ADSL: variants seen among roughly 807,000 people sequenced by gnomAD.
ADSL encodes adenylosuccinate lyase, also known as adenylosuccinase.
In ADSL, 44 loss-of-function variants were observed where a neutral mutation model predicts 62.1. The observed-to-expected ratio is 0.71, with a 90% CI of 0.56 to 0.91. The LOEUF (loss-of-function observed/expected upper bound fraction) is 0.91. Ranked by LOEUF, ADSL falls within the 40% of genes least tolerant of loss-of-function variation. The pLI, the probability that ADSL is intolerant of heterozygous loss-of-function variation, is 0.00. For synonymous variants in ADSL, 198 were observed against 220.5 expected (o/e 0.90, Z 0.90); for missense variants, 531 against 627.4 (o/e 0.85, Z 1.64).
chr22:40,373,788 G>T (rs1368303206), downstream of ADSL, among the ~76,000 whole-genome samples: 1 of 151,506 alleles, frequency 6.6e-6, no homozygotes, highest in Non-Finnish European at 1.5e-5. Flanking sequence ...GCTAATTTTT[G>T]TATTTTTAGT....
chr22:40,364,379 C>T lies in ADSL; in HGVS notation c.1191+14C>T. 6.2e-7 allele frequency: 1 copy of T among 1,611,270 alleles called. No individual in the cohort carries two copies. Among genetic ancestry groups the T allele is most frequent in the South Asian group, 1.1e-5 (1 of 90,830 alleles). ...GGTAGCCGCCAGGTTTGTAACCCCT[C>T]ATGTTCCTGGATAAGTTGAGAGTGC... On this transcript the variant is annotated intron_variant, in intron 11 of 12. Coordinates refer to ENST00000623063, the MANE Select transcript of ADSL (RefSeq NM_000026.4).
downstream of ADSL, chr22:40,370,561 C>G (rs1179101353): frequency 4.6e-5 from 7 of 152,376 alleles, no homozygotes; most frequent in African/African-American, 1.4e-4. Context: ...CAGCCCCCAG[C>G]ATGACCCGCG....
intron 2 of ADSL, among the ~76,000 whole-genome samples, chr22:40,383,249 C>A (rs185596569): frequency 6.6e-6 from 1 of 152,058 alleles, no homozygotes; most frequent in East Asian, 1.9e-4. Flanking sequence ...GGGCAGATCA[C>A]GAGGTCAGGA....
intron 2 of ADSL, among the ~76,000 whole-genome samples, chr22:40,350,509 G>A (rs1335844835): frequency 6.6e-6 from 1 of 152,170 alleles, no homozygotes; most frequent in Non-Finnish European, 1.5e-5. Context: ...TAAACTGTAA[G>A]CACCAAATGA....
intron 3 of ADSL, 71 bp from the exon 4 acceptor site, chr22:40,354,177 G>GTT: frequency 7.7e-7 from 1 of 1,290,928 alleles, no homozygotes; most frequent in East Asian, 2.3e-5. Flanking sequence ...TTATCTGAAA[G>GTT]TTTTGTTCCT....
chr22:40,362,960 G>A (rs892189946), intron 9 of ADSL, 21 bp from the exon 10 acceptor site: 3 of 1,598,444 alleles, frequency 1.9e-6, no homozygotes, highest in Non-Finnish European at 2.6e-6. Context: ...AAGACATACT[G>A]AATGGCTATT....
intron 2 of ADSL, 97 bp downstream of exon 2, chr22:40,350,132 TC>T (rs1185612227): frequency 6.1e-6 from 7 of 1,153,436 alleles, no homozygotes; most frequent in East Asian, 2.4e-5. Flanking sequence ...ACACTATAGA[TC>T]TTTTTTTTTT....
At chr22:40,357,340 G>A (rs1000132878) in intron 4 of ADSL, among the ~76,000 whole-genome samples, 4 of 136,926 alleles carry the variant, frequency 2.9e-5, no homozygotes, top group African/African-American at 8.2e-5. Context: ...CGCAGCCTCC[G>A]CCTCCTGGGT....
chr22:40,370,354 CAA>C (rs11328048), downstream of ADSL, among the ~76,000 whole-genome samples: 81 of 86,368 alleles, frequency 9.4e-4, no homozygotes, highest in East Asian at 4.0e-3. Context: ...GACTCCATCT[CAA>C]AAAAAAAAAA....
At chr22:40,372,158 G>C (rs1426961430), downstream of ADSL, among the ~76,000 whole-genome samples, 2 of 103,934 alleles carry the variant, frequency 1.9e-5, no homozygotes, top group African/African-American at 3.9e-5. Flanking sequence ...ACGGAGTCTC[G>C]CTCTGTTGCC....
intron 2 of ADSL, among the ~76,000 whole-genome samples, chr22:40,375,253 C>T (rs1343761271): frequency 6.6e-6 from 1 of 152,154 alleles, no homozygotes; most frequent in Non-Finnish European, 1.5e-5. Context: ...AATAATTAAA[C>T]AGCTTTATCA....
chr22:40,360,182 A>G (rs1250707687), intron 6 of ADSL, among the ~76,000 whole-genome samples: 1 of 152,198 alleles, frequency 6.6e-6, no homozygotes, highest in African/African-American at 2.4e-5. Context: ...CAATAAGACC[A>G]AGCTTTTCTT....
chr22:40,364,189 C>CTG, intron 10 of ADSL, 87 bp from the exon 11 acceptor site: 1 of 972,402 alleles, frequency 1.0e-6, no homozygotes, highest in Non-Finnish European at 1.6e-6. Context: ...AGTGTCTGTG[C>CTG]TGTGCATTTT....
chr22:40,355,262 C>T (rs1403830888), intron 4 of ADSL, among the ~76,000 whole-genome samples: 1 of 152,176 alleles, frequency 6.6e-6, no homozygotes. Context: ...CCCGCCTCAG[C>T]CTTCCTAGTA....
In ADSL at chr22:40,353,311, TTTC is replaced by T. The variant is rs780798042; in HGVS notation, c.402+206_402+208del. 87 of 699,644 alleles carry T rather than the reference TTTC, an allele frequency of 1.2e-4. 1 individual carries two copies. The highest frequency in any genetic ancestry group is 1.5e-4 in the Non-Finnish European group (58 of 383,126). 43.3% of individuals were successfully genotyped at this position (699,644 alleles called of 1,614,324 possible). A position where few individuals can be genotyped will look rare whatever the true frequency, so the allele number is the denominator to read the frequency against. Reference sequence around the variant, plus strand: ...TTTCTTCTTCTCTTCCTCCTTCTCCTTTCTTCTTCTTCTTGAGCCAGAGTCTCA... The same window carrying T: ...TTTCTTCTTCTCTTCCTCCTTCTCCTTTCTTCTTCTTGAGCCAGAGTCTCA... On this transcript the variant is annotated intron_variant, in intron 3 of 12. Coordinates refer to ENST00000623063, the MANE Select transcript of ADSL (RefSeq NM_000026.4).
At chr22:40,355,813 G>A (rs1025142467) in intron 4 of ADSL, among the ~76,000 whole-genome samples, 2 of 152,076 alleles carry the variant, frequency 1.3e-5, no homozygotes, top group Non-Finnish European at 2.9e-5. Context: ...CTAGTGTTAC[G>A]CCTTGATGTT....
rs749199342 is a variant in ADSL, at chr22:40,346,734, G to T, written c.153+23G>T. On this transcript the variant is annotated intron_variant, in intron 1 of 12. Coordinates refer to ENST00000623063, the MANE Select transcript of ADSL (RefSeq NM_000026.4). ...CAGGTAACGGATCCCGGGCTGAGGG[G>T]CTGGGCCGGGAGGGACGGGCCCGCC... 6.3e-6 allele frequency: 10 copies of T among 1,586,368 alleles called. No individual in the cohort carries two copies. The Admixed American group carries it at 8.7e-5, about 14-fold the overall frequency.
At chr22:40,355,230 C>T (rs1206178740) in intron 4 of ADSL, among the ~76,000 whole-genome samples, 1 of 152,158 alleles carries the variant, frequency 6.6e-6, no homozygotes, top group Non-Finnish European at 1.5e-5. Flanking sequence ...ACAACCTCTA[C>T]GTCCTGGGTT....
At chr22:40,353,382 T>C in intron 3 of ADSL, 1 of 702,520 alleles carries the variant, frequency 1.4e-6, no homozygotes, top group Non-Finnish European at 2.6e-6. Flanking sequence ...AACCTCCGCC[T>C]CCCAGGCTCA....
Sources: gnomAD v4.1 joint callset for allele counts (sites outside exome capture counted in the v4.1 genomes callset) on GRCh38, gnomAD v4.1.1 for gene constraint, MANE v1.5 for transcripts, NCBI Gene and HGNC (gene_info 2026-07-23, HGNC 2026-07-21) for gene names.